The following RPGRIP1L variants were observed in gnomAD, a reference collection of about 807,000 sequenced individuals.
RPGRIP1L encodes RPGRIP1 like.
Under a neutral mutation model 160.4 loss-of-function variants are expected in RPGRIP1L, and 131 were observed. That is an observed-to-expected ratio of 0.82 (90% CI 0.71 to 0.94). RPGRIP1L has a LOEUF of 0.94. Among genes scored for constraint, RPGRIP1L ranks in the 40% least tolerant of loss-of-function variants. The pLI, the probability that RPGRIP1L is intolerant of heterozygous loss-of-function variation, is 0.00. For missense variants in RPGRIP1L, 1,522 were observed against 1,535.8 expected, an observed-to-expected ratio of 0.99 and a Z score of 0.15; for synonymous variants, 510 against 515.8, an observed-to-expected ratio of 0.99 and a Z score of 0.15.
At chr16:53,626,145 T>TAAAAAAAA (rs760491478) in intron 22 of RPGRIP1L, among the ~76,000 whole-genome samples, 289 of 60,342 alleles carry the variant, frequency 4.8e-3, no homozygotes, top group African/African-American at 7.3e-3. Flanking sequence ...CAATAAATAC[T>TAAAAAAAA]AAAAAAAAAA....
At chr16:53,660,502 A>C (rs1337540016) in intron 10 of RPGRIP1L, among the ~76,000 whole-genome samples, 1 of 152,140 alleles carries the variant, frequency 6.6e-6, no homozygotes, top group Non-Finnish European at 1.5e-5. Flanking sequence ...GTTAGGAATA[A>C]ATTTGGATGT....
chr16:53,637,494 CA>C (rs571582060), intron 21 of RPGRIP1L, among the ~76,000 whole-genome samples, 200 bp downstream of exon 21: 3 of 152,018 alleles, frequency 2.0e-5, no homozygotes, highest in Non-Finnish European at 2.9e-5. Context: ...TGTGGAGCTC[CA>C]AGTTGAAATA....
At chr16:53,642,090 T>C (rs1032170917) in intron 17 of RPGRIP1L, among the ~76,000 whole-genome samples, 2 of 152,070 alleles carry the variant, frequency 1.3e-5, no homozygotes, top group African/African-American at 4.8e-5. Flanking sequence ...CAAAAGAAAC[T>C]TGAATCTGTT....
chr16:53,679,032 G>A (rs981422894), intron 6 of RPGRIP1L, among the ~76,000 whole-genome samples: 2 of 152,148 alleles, frequency 1.3e-5, no homozygotes, highest in African/African-American at 4.8e-5. Flanking sequence ...GAAAGATAAT[G>A]ATTTTGCTCA....
At chr16:53,609,619 C>T (rs1963901933) in intron 25 of RPGRIP1L, among the ~76,000 whole-genome samples, 1 of 152,090 alleles carries the variant, frequency 6.6e-6, no homozygotes, top group Non-Finnish European at 1.5e-5. Flanking sequence ...AGGACTTGTC[C>T]ATGGGAACTG....
chr16:53,627,508 A>G (rs903404041), intron 22 of RPGRIP1L, among the ~76,000 whole-genome samples: 1 of 152,126 alleles, frequency 6.6e-6, no homozygotes, highest in Non-Finnish European at 1.5e-5. Context: ...GAAGAAATAA[A>G]ATATTTCAGA....
At chr16:53,684,264 A>G (rs1355212963) in intron 6 of RPGRIP1L, among the ~76,000 whole-genome samples, 1 of 152,128 alleles carries the variant, frequency 6.6e-6, no homozygotes, top group East Asian at 1.9e-4. Context: ...AAGGATTATA[A>G]ATCATGCTGC....
chr16:53,690,943 T>G (rs1378209519), intron 4 of RPGRIP1L, among the ~76,000 whole-genome samples: 1 of 152,150 alleles, frequency 6.6e-6, no homozygotes, highest in Non-Finnish European at 1.5e-5. Flanking sequence ...CAATCTCACA[T>G]AGCTAGGAGT....
chr16:53,657,031 C>T (rs944813661), intron 13 of RPGRIP1L, among the ~76,000 whole-genome samples: 1 of 152,082 alleles, frequency 6.6e-6, no homozygotes, highest in African/African-American at 2.4e-5. Flanking sequence ...CACTTGAGGT[C>T]AGAGTTAGAG....
rs1205182135 is a variant in RPGRIP1L at position 53,641,115 on chromosome 16, G to A, written c.2876C>T (p.Ala959Val). ...PASSVSTLVLAPRPKPRQRLT... is the reference protein window; with the variant it reads ...PASSVSTLVLVPRPKPRQRLT... ...ACGTTGTCTTGGTTTAGGTCTTGGT[G>A]CCTAAGACAAACCAACCAATGTGTC... Residue 959 changes from alanine (A) to valine (V), a missense_variant and splice_region_variant, in exon 19 of 27, where the codon GCA (alanine) becomes GTA (valine). Ala to Val is a moderately conservative substitution (Grantham distance 64). Transcript: ENST00000647211. 6.2e-7 allele frequency: 1 copy of A among 1,612,148 alleles called. No individual in the cohort carries two copies.
At chr16:53,660,861 C>T (rs1267609944) in intron 10 of RPGRIP1L, among the ~76,000 whole-genome samples, 5 of 149,612 alleles carry the variant, frequency 3.3e-5, no homozygotes, top group Non-Finnish European at 7.4e-5. Flanking sequence ...CCACTGCACT[C>T]CAGCCTGGGC....
At position 53,622,287 on chromosome 16, in the gene RPGRIP1L, C is replaced by T; in HGVS notation, c.3364G>A (p.Gly1122Ser). The T allele has an allele frequency of 1.5e-6, 1 of 659,252 alleles. No homozygotes were observed. The allele number at this position is 659,252 out of a possible 1,614,324, so 40.8% of individuals were successfully genotyped here. ...GCTGAGGCAGGAAAATCGCTGGAAC[C>T]CGGGAGGCGGAAGTTGCAGTGAGCT... is the stretch of plus-strand genomic sequence containing the variant. The part of the protein sequence containing the change: ...ISAHCNFRLP[G>S]SSDFPASASQ... Residue 1122 changes from glycine to serine, a missense_variant, in exon 23 of 27, where the codon GGT becomes AGT. Transcript: ENST00000647211.
chr16:53,617,190 A>G (rs1185332603), intron 24 of RPGRIP1L, among the ~76,000 whole-genome samples: 1 of 151,486 alleles, frequency 6.6e-6, no homozygotes, highest in Non-Finnish European at 1.5e-5. Context: ...TCACAGTTTG[A>G]GCTAAAGAAA....
chr16:53,638,555 A>G, intron 19 of RPGRIP1L, 144 bp from the exon 20 acceptor site: 1 of 462,142 alleles, frequency 2.2e-6, no homozygotes, highest in Non-Finnish European at 3.8e-6. Context: ...TACTTAGTAT[A>G]TTTCAATAAA....
intron 10 of RPGRIP1L, among the ~76,000 whole-genome samples, chr16:53,660,564 TAAAAAAAAA>T (rs66703223): frequency 7.0e-6 from 1 of 142,222 alleles, no homozygotes; most frequent in African/African-American, 2.6e-5. Context: ...AATAAAAAAA[TAAAAAAAAA>T]AAACCTGTGA....
Position 53,671,510 on chromosome 16 carries a change from C to T in RPGRIP1L, c.1103G>A (p.Ser368Asn). 1.3e-6 allele frequency: 2 copies of T among 1,562,976 alleles called. No individual in the cohort carries two copies. The highest frequency in any genetic ancestry group is 1.8e-6 in the Non-Finnish European group (2 of 1,134,704). ...LKENYDKLYD[S>N]AFSAAHEEQW... is the part of the protein sequence containing the mutation. ...AAGAACACATGGAATCACGATTTACCTGTCATAAAGTTTATCATAGTTTTC... is the reference window on the plus strand; with the variant it reads ...AAGAACACATGGAATCACGATTTACTTGTCATAAAGTTTATCATAGTTTTC... The change falls in exon 9 of 27, where the codon AGT becomes AAT. Residue 368 changes from serine (S) to asparagine (N), a missense_variant and splice_region_variant. Ser to Asn is a conservative substitution (Grantham distance 46, BLOSUM62 1). Coordinates refer to ENST00000647211, the MANE Select transcript of RPGRIP1L (RefSeq NM_015272.5).
intron 10 of RPGRIP1L, among the ~76,000 whole-genome samples, chr16:53,664,505 G>C (rs984861756): frequency 2.0e-5 from 3 of 152,252 alleles, no homozygotes; most frequent in African/African-American, 7.2e-5. Flanking sequence ...ATGAGGGAAA[G>C]ACTTTTGTTT....
chr16:53,658,394 G>A lies in RPGRIP1L; in HGVS notation c.1401+20C>T, dbSNP rs1467459937. On this transcript the variant is annotated intron_variant, in intron 12 of 26. Transcript: ENST00000647211. ...AGTTGTATGCAGACATGAAAATCAC[G>A]ATGAAGTTCAGAACCTTACCTTTAT... The A allele has an allele frequency of 3.2e-6, 5 of 1,585,324 alleles. No homozygotes were observed. Among genetic ancestry groups the A allele is most frequent in the African/African-American group, 1.3e-5 (1 of 74,342 alleles).
At chr16:53,614,359 G>A (rs963900488) in intron 24 of RPGRIP1L, among the ~76,000 whole-genome samples, 1 of 152,118 alleles carries the variant, frequency 6.6e-6, no homozygotes, top group African/African-American at 2.4e-5. Context: ...CCCTTAAAAG[G>A]CTTGTTAAAA....
Sources: gnomAD v4.1 joint callset for allele counts (sites outside exome capture counted in the v4.1 genomes callset) on GRCh38, gnomAD v4.1.1 for gene constraint, MANE v1.5 for transcripts, NCBI Gene and HGNC (gene_info 2026-07-23, HGNC 2026-07-21) for gene names.